SYT6: variants seen among roughly 807,000 people sequenced by gnomAD.
The protein encoded by SYT6 is synaptotagmin 6.
In SYT6, 24 loss-of-function variants were observed where a neutral mutation model predicts 38.4. The ratio of observed to expected loss-of-function variants is 0.62; its 90% CI spans 0.45 to 0.88. SYT6 has a LOEUF of 0.88. Ranked by LOEUF, SYT6 falls within the 40% of genes least tolerant of loss-of-function variation. The pLI is 0.00. For missense variants in SYT6, 611 were observed against 621.0 expected, an observed-to-expected ratio of 0.98 and a Z score of 0.17; for synonymous variants, 265 against 241.9, an observed-to-expected ratio of 1.10 and a Z score of -0.89.
At chr1:114,098,994 G>T in intron 5 of SYT6, 100 bp downstream of exon 5, 1 of 1,272,552 alleles carries the variant, frequency 7.9e-7, no homozygotes, top group Non-Finnish European at 1.1e-6. Flanking sequence ...GAACCCTAAA[G>T]CTGAGCCCTG....
chr1:114,101,348 G>A (rs992754940), intron 4 of SYT6, among the ~76,000 whole-genome samples: 1 of 152,138 alleles, frequency 6.6e-6, no homozygotes, highest in Non-Finnish European at 1.5e-5. Flanking sequence ...TGATCTTGGA[G>A]GTCCTTTCCT....
intron 3 of SYT6, among the ~76,000 whole-genome samples, chr1:114,129,624 T>C (rs1481752661): frequency 9.6e-6 from 1 of 104,250 alleles, no homozygotes; most frequent in Non-Finnish European, 2.0e-5. Context: ...TTCCTTTCTT[T>C]CTTTCTTTCT....
At chr1:114,118,858 T>G (rs532684454) in intron 3 of SYT6, among the ~76,000 whole-genome samples, 1 of 151,990 alleles carries the variant, frequency 6.6e-6, no homozygotes, top group Non-Finnish European at 1.5e-5. Flanking sequence ...CAAACGGGAG[T>G]GGAAATAGCC....
intron 1 of SYT6, 56 bp from the exon 2 acceptor site, chr1:114,140,019 C>T (rs1439083667): frequency 1.2e-5 from 13 of 1,088,036 alleles, no homozygotes; most frequent in East Asian, 1.0e-4. Context: ...CGGGGAGAAG[C>T]GGGTGAGGGT....
chr1:114,103,493 G>A, intron 4 of SYT6, 108 bp downstream of exon 4: 1 of 1,459,234 alleles, frequency 6.9e-7, no homozygotes, highest in Non-Finnish European at 9.3e-7. Context: ...GTCCAGAGCT[G>A]GTGCTTCTAT....
chr1:114,100,696 G>A lies in SYT6; in HGVS notation c.1193-1431C>T, dbSNP rs12138978. ...GGGATTTTCAGTAAAATGGAAGTAAGAGTTTTGAGAACCGGCATGAGGCTC... is the reference window on the plus strand; with the variant it reads ...GGGATTTTCAGTAAAATGGAAGTAAAAGTTTTGAGAACCGGCATGAGGCTC... On this transcript the variant is annotated intron_variant, in intron 4 of 7. Coordinates refer to ENST00000610222, the MANE Select transcript of SYT6 (RefSeq NM_001253772.2). Among the ~76,000 whole-genome samples, 1,164 of 152,324 alleles carry A rather than the reference G, an allele frequency of 7.6e-3. 7 individuals carry two copies. The highest frequency in any genetic ancestry group is 0.011 in the Non-Finnish European group (731 of 68,014).
At chr1:114,153,087 T>G (rs530273047) in intron 1 of SYT6, 1 of 126,336 alleles carries the variant, frequency 7.9e-6, no homozygotes, top group Non-Finnish European at 1.6e-5. Context: ...CACAAAGACC[T>G]CGTGCCAGCC....
Position 114,111,009 on chromosome 1 carries a change from G to A in SYT6, c.1072-7288C>T, listed in dbSNP as rs561053928. Among the ~76,000 whole-genome samples, 85 of 152,334 alleles carry A rather than the reference G, an allele frequency of 5.6e-4. No homozygotes were observed. The Middle Eastern group carries it at 0.017, about 30-fold the overall frequency. Reference sequence around the variant, plus strand: ...TCCAAAAGCCCAATCATATACAGCAGCTGAAGAGTGGCTCAGAAACAGGGC... The same window carrying A: ...TCCAAAAGCCCAATCATATACAGCAACTGAAGAGTGGCTCAGAAACAGGGC... On this transcript the variant is annotated intron_variant, in intron 3 of 7. Coordinates refer to ENST00000610222, the MANE Select transcript of SYT6 (RefSeq NM_001253772.2).
chr1:114,148,898 C>T (rs529187107), intron 1 of SYT6, among the ~76,000 whole-genome samples: 1 of 152,246 alleles, frequency 6.6e-6, no homozygotes, highest in Admixed American at 6.5e-5. Context: ...CAAATCTGGG[C>T]TCTTGAATCA....
At chr1:114,138,538 C>G (rs1034648988) in intron 2 of SYT6, among the ~76,000 whole-genome samples, 1 of 152,122 alleles carries the variant, frequency 6.6e-6, no homozygotes, top group Non-Finnish European at 1.5e-5. Flanking sequence ...TTGGAGTTAG[C>G]CTGCATAGGT....
intron 1 of SYT6, among the ~76,000 whole-genome samples, chr1:114,149,497 T>C (rs1379685526): frequency 6.6e-6 from 1 of 152,128 alleles, no homozygotes; most frequent in Non-Finnish European, 1.5e-5. Context: ...GGAGAGACAA[T>C]GCCAAGCTAA....
intron 1 of SYT6, among the ~76,000 whole-genome samples, chr1:114,145,502 G>GTTTTTTTTTTTTTTTTTTTTTTTTT (rs752982644): frequency 9.0e-6 from 1 of 111,626 alleles, no homozygotes. Flanking sequence ...GAGGTATTAA[G>GTTTTTTTTTTTTTTTTTTTTTTTTT]TTTTTTTTTT....
In SYT6 at chr1:114,122,506, T is replaced by TGTGCGC. The variant is rs60780339; in HGVS notation, c.1071+14988_1071+14989insGCGCAC. On this transcript the variant is annotated intron_variant, in intron 3 of 7. Transcript: ENST00000610222. ...TTGTGTGTGTGTGTGTGTGTGTGTGTGCGCGCACATGAGCATATGCACACA... is the reference window on the plus strand; with the variant it reads ...TTGTGTGTGTGTGTGTGTGTGTGTGTGTGCGCGCGCGCACATGAGCATATGCACACA... Among the ~76,000 whole-genome samples the TGTGCGC allele has an allele frequency of 9.6e-3, 1,416 of 147,384 alleles. 21 individuals carry two copies. The highest frequency in any genetic ancestry group is 0.033 in the African/African-American group (1,294 of 39,402).
At chr1:114,138,234 T>C (rs11579748) in intron 2 of SYT6, among the ~76,000 whole-genome samples, 181 bp from the exon 3 acceptor site, 16,500 of 152,204 alleles carry the variant, frequency 0.11, 973 homozygotes, top group Middle Eastern at 0.13. Flanking sequence ...GTGGTGAGCA[T>C]TACATGTCTT....
chr1:114,110,418 T>C (rs895866133), intron 3 of SYT6, among the ~76,000 whole-genome samples: 10 of 152,038 alleles, frequency 6.6e-5, no homozygotes, highest in Admixed American at 2.6e-4. Flanking sequence ...GCTTTATTCA[T>C]AGTGGTCCTG....
chr1:114,150,545 G>C (rs1679391905), intron 1 of SYT6, among the ~76,000 whole-genome samples: 1 of 152,132 alleles, frequency 6.6e-6, no homozygotes, highest in South Asian at 2.1e-4. Flanking sequence ...AGAAAAACAG[G>C]GAAGCTTGAG....
intron 1 of SYT6, among the ~76,000 whole-genome samples, chr1:114,140,919 A>C (rs1003260284): frequency 1.3e-5 from 2 of 152,164 alleles, no homozygotes; most frequent in African/African-American, 2.4e-5. Context: ...GATCTTGGAT[A>C]TTCCTATCGT....
chr1:114,109,863 A>G (rs1307572662), intron 3 of SYT6, among the ~76,000 whole-genome samples: 2 of 152,240 alleles, frequency 1.3e-5, no homozygotes, highest in African/African-American at 2.4e-5. Context: ...CAGGTCAGTA[A>G]AAGTAGATTT....
chr1:114,109,393 A>G (rs556872910), intron 3 of SYT6, among the ~76,000 whole-genome samples: 1 of 152,274 alleles, frequency 6.6e-6, no homozygotes, highest in Admixed American at 6.5e-5. Context: ...AATGGTTGAG[A>G]ATGTGGATTT....
Sources: allele counts gnomAD v4.1 joint callset (sites outside exome capture counted in the v4.1 genomes callset), GRCh38; gene constraint gnomAD v4.1.1; transcripts MANE v1.5; gene names NCBI Gene and HGNC (gene_info 2026-07-23, HGNC 2026-07-21).